Variants in ATG16L1 observed in about 807,000 individuals in gnomAD.
The protein encoded by ATG16L1 is autophagy-related protein 16-1.
A neutral mutation model predicts 88.5 loss-of-function variants in ATG16L1; 37 were observed. The observed-to-expected ratio is 0.42, with a 90% CI of 0.32 to 0.55. The LOEUF (loss-of-function observed/expected upper bound fraction) is 0.55, where lower values mean the gene tolerates loss of function less well. ATG16L1 is among the 20% of genes least tolerant of loss of function. The probability of loss-of-function intolerance (pLI) is 0.13; values close to 1 mark genes in which losing one functional copy is unlikely to be tolerated. For missense variants in ATG16L1, 554 were observed against 752.8 expected, an observed-to-expected ratio of 0.74 and a Z score of 3.09; for synonymous variants, 301 against 281.0, an observed-to-expected ratio of 1.07 and a Z score of -0.71.
At position 233,289,922 on chromosome 2, in the gene ATG16L1, C is replaced by T; in HGVS notation, c.1272C>T (p.Val424=). The T allele has an allele frequency of 5.0e-6, 8 of 1,614,202 alleles. No individual in the cohort carries two copies. Among genetic ancestry groups the T allele is most frequent in the Non-Finnish European group, 6.8e-6 (8 of 1,180,040 alleles). ...TCCTGCTGGACAATGCGCGGATTGT[C>T]TCAGGAAGTCACGACCGGACTCTCA... The part of the protein sequence containing the change: ...AKFLLDNARI[V]SGSHDRTLKL... Residue 424 remains valine, a synonymous_variant, in exon 13 of 18, where the codon GTC becomes GTT. Coordinates refer to ENST00000392017, the MANE Select transcript of ATG16L1 (RefSeq NM_030803.7).
Position 233,281,086 on chromosome 2 carries a change from A to G in ATG16L1, c.1061-19A>G, listed in dbSNP as rs749547430. The G allele has an allele frequency of 3.9e-6, 6 of 1,545,368 alleles. No homozygotes were observed. The highest frequency in any genetic ancestry group is 2.3e-5 in the East Asian group (1 of 44,364). On this transcript the variant is annotated intron_variant, in intron 10 of 17. Transcript: ENST00000392017. ...CTTTATTTAACTTCCCATCATCCTA[A>G]TTTTTTCTTTTTATACAGAAAAATG...
Position 233,281,147 on chromosome 2 carries a change from G to C in ATG16L1, c.1103G>C (p.Gly368Ala). ...GGTTCCCTATCTGGCAGTAATGCAGGAATTACAAGCATTGAATTTGATAGT... is the reference window on the plus strand; with the variant it reads ...GGTTCCCTATCTGGCAGTAATGCAGCAATTACAAGCATTGAATTTGATAGT... ...FKGSLSGSNA[G>A]ITSIEFDSAG... The change falls in exon 11 of 18, where the codon GGA becomes GCA. Residue 368 changes from glycine (G) to alanine (A), a missense_variant. Gly to Ala is a moderately conservative substitution (Grantham distance 60). Coordinates refer to ENST00000392017, the MANE Select transcript of ATG16L1 (RefSeq NM_030803.7). 6.2e-7 allele frequency: 1 copy of C among 1,603,740 alleles called. No individual in the cohort carries two copies.
In ATG16L1 at chr2:233,294,371, G is replaced by A; in HGVS notation, c.*21G>A. The A allele has an allele frequency of 6.3e-7, 1 of 1,598,812 alleles. No individual in the cohort carries two copies. The highest frequency in any genetic ancestry group is 8.6e-7 in the Non-Finnish European group (1 of 1,167,712). On this transcript the variant is annotated 3_prime_UTR_variant, in exon 18 of 18. Coordinates refer to ENST00000392017, the MANE Select transcript of ATG16L1 (RefSeq NM_030803.7). ...ACTGACGGGGCTCTCAGGGCTGGGA[G>A]GACCCCAGTGCCCTCCTCAGAAGAA...
At chr2:233,276,283 G>A (rs1698364777) in intron 9 of ATG16L1, among the ~76,000 whole-genome samples, 1 of 152,006 alleles carries the variant, frequency 6.6e-6, no homozygotes, top group Non-Finnish European at 1.5e-5. Context: ...ATCTCATATT[G>A]ATAGTCTATG....
chr2:233,291,013 G>A (rs1050685715), intron 14 of ATG16L1, among the ~76,000 whole-genome samples: 2 of 152,178 alleles, frequency 1.3e-5, no homozygotes, highest in Admixed American at 6.5e-5. Context: ...GAAACCAATA[G>A]AGTTGATAAG....
chr2:233,257,317 C>T (rs1181369053), intron 2 of ATG16L1, among the ~76,000 whole-genome samples: 4 of 152,200 alleles, frequency 2.6e-5, no homozygotes, highest in Non-Finnish European at 2.9e-5. Context: ...GCTTGAGCCA[C>T]CGCGCCCAGC....
At chr2:233,254,734 T>G (rs2125193730) in intron 1 of ATG16L1, among the ~76,000 whole-genome samples, 1 of 152,286 alleles carries the variant, frequency 6.6e-6, no homozygotes, top group Non-Finnish European at 1.5e-5. Flanking sequence ...CAATGTCCAG[T>G]TTGGCTAATT....
At position 233,289,441 on chromosome 2, in the gene ATG16L1, A is replaced by G. The variant is rs1401495760; in HGVS notation, c.1204-413A>G. 9.4e-5 allele frequency among the ~76,000 whole-genome samples: 13 copies of G among 138,656 alleles called. No individual in the cohort carries two copies. The Admixed American group carries it at 9.6e-4, about 10-fold the overall frequency. The allele number at this position is 138,656 out of a possible 152,430, so 91.0% of individuals were successfully genotyped here. The stretch of plus-strand genomic sequence containing the variant: ...TCTTGCTATCACTCAGGTGGAGTAC[A>G]ATGGCACTATCATAGTTCACTGCAA... On this transcript the variant is annotated intron_variant, in intron 12 of 17. Transcript: ENST00000392017.
At chr2:233,281,000 G>A in intron 10 of ATG16L1, 105 bp from the exon 11 acceptor site, 1 of 668,332 alleles carries the variant, frequency 1.5e-6, no homozygotes, top group Non-Finnish European at 2.6e-6. Context: ...GATAGCTATT[G>A]TTTTAGCAGT....
chr2:233,279,171 C>T (rs761704824), intron 10 of ATG16L1, among the ~76,000 whole-genome samples: 5 of 152,106 alleles, frequency 3.3e-5, no homozygotes, highest in African/African-American at 7.2e-5. Context: ...GAGCAAGACC[C>T]TGTGTCTTTT....
In ATG16L1 at chr2:233,277,511, A is replaced by C. The variant is rs1698454124; in HGVS notation, c.955-57A>C. 3 of 1,521,156 alleles carry C rather than the reference A, an allele frequency of 2.0e-6. No homozygotes were observed. The Admixed American group carries it at 5.0e-5, about 25-fold the overall frequency. The allele number at this position is 1,521,156 out of a possible 1,614,324, so 94.2% of individuals were successfully genotyped here. On this transcript the variant is annotated intron_variant, in intron 9 of 17. Coordinates refer to ENST00000392017, the MANE Select transcript of ATG16L1 (RefSeq NM_030803.7). The stretch of plus-strand genomic sequence containing the variant: ...AATTAGGCATTTGGAGTGTTCGCGC[A>C]TCTTGAGCTCTTGGGATGAGAATGA...
At chr2:233,261,722 C>T (rs1300598696) in intron 2 of ATG16L1, among the ~76,000 whole-genome samples, 1 of 152,118 alleles carries the variant, frequency 6.6e-6, no homozygotes, top group Non-Finnish European at 1.5e-5. Flanking sequence ...CAAGCTTTCC[C>T]TAGACAGTGG....
chr2:233,273,769 T>C lies in ATG16L1; in HGVS notation c.843T>C (p.Asn281=), dbSNP rs960809787. ...GAGGCCTTCTGGATTCTATCACTAATATCTTTGGGTAGGTTAGAAGACCTT... is the reference window on the plus strand; with the variant it reads ...GAGGCCTTCTGGATTCTATCACTAACATCTTTGGGTAGGTTAGAAGACCTT... ...PAGGLLDSIT[N]IFGRRSVSSF... Residue 281 remains asparagine (N), a synonymous_variant, in exon 8 of 18, where the codon AAT becomes AAC. Coordinates refer to ENST00000392017, the MANE Select transcript of ATG16L1 (RefSeq NM_030803.7). The C allele has an allele frequency of 6.2e-7, 1 of 1,614,142 alleles. No individual in the cohort carries two copies. The highest frequency in any genetic ancestry group is 1.1e-5 in the South Asian group (1 of 91,080).
intron 2 of ATG16L1, among the ~76,000 whole-genome samples, chr2:233,260,759 A>G (rs1156235490): frequency 1.3e-5 from 2 of 152,140 alleles, no homozygotes; most frequent in Admixed American, 1.3e-4. Flanking sequence ...AAGTTTAAGC[A>G]TCTAATCCTG....
intron 2 of ATG16L1, 101 bp downstream of exon 2, chr2:233,256,296 C>G: frequency 9.9e-7 from 1 of 1,014,978 alleles, no homozygotes. Context: ...AGTACTATTT[C>G]TGTGTTCCAG....
chr2:233,292,545 T>TGCCCAA, intron 16 of ATG16L1, 111 bp downstream of exon 16: 1 of 1,317,206 alleles, frequency 7.6e-7, no homozygotes, highest in Non-Finnish European at 1.1e-6. Flanking sequence ...AACCTATGTT[T>TGCCCAA]CCAGGAGTGT....
chr2:233,252,626 G>A (rs1696458070), intron 1 of ATG16L1, among the ~76,000 whole-genome samples: 1 of 151,810 alleles, frequency 6.6e-6, no homozygotes, highest in South Asian at 2.1e-4. Context: ...GCGCTCAAAC[G>A]ATCTTCCCAC....
chr2:233,255,643 G>C (rs187467876), intron 1 of ATG16L1, among the ~76,000 whole-genome samples: 27 of 152,238 alleles, frequency 1.8e-4, no homozygotes, highest in African/African-American at 5.3e-4. Context: ...CTTCTTTTAA[G>C]ACTTAACTCA....
intron 17 of ATG16L1, 110 bp downstream of exon 17, chr2:233,293,467 G>A (rs1053322486): frequency 1.8e-5 from 18 of 989,634 alleles, no homozygotes; most frequent in Admixed American, 7.6e-5. Context: ...GGCACTGTCC[G>A]CCCACCTGCT....
Sources: gnomAD v4.1 joint callset for allele counts (sites outside exome capture counted in the v4.1 genomes callset) on GRCh38, gnomAD v4.1.1 for gene constraint, MANE v1.5 for transcripts, NCBI Gene and HGNC (gene_info 2026-07-23, HGNC 2026-07-21) for gene names.